CTNNA2: variants seen among roughly 807,000 people sequenced by gnomAD.
CTNNA2 encodes the protein catenin alpha 2.
CTNNA2 carries 42 observed loss-of-function variants against 101.0 expected under a neutral mutation model. That is an observed-to-expected ratio of 0.42 (90% CI 0.32 to 0.54). The LOEUF is 0.54. CTNNA2 is among the 20% of genes least tolerant of loss of function. The probability of loss-of-function intolerance (pLI) is 0.14; values close to 1 mark genes in which losing one functional copy is unlikely to be tolerated. For synonymous variants in CTNNA2, 450 were observed against 456.4 expected, an observed-to-expected ratio of 0.99 and a Z score of 0.18; for missense variants, 871 against 1,223.1, an observed-to-expected ratio of 0.71 and a Z score of 4.29.
In CTNNA2 at chr2:80,450,262, G is replaced by A. The variant is rs142768119; in HGVS notation, c.1290+30661G>A. On this transcript the variant is annotated intron_variant, in intron 9 of 18. Transcript: ENST00000402739. ...AAGCTTATGGGCATTGTAAATCCCTGTATGAGACAAAGTATGCAAATTTCC... is the reference window on the plus strand; with the variant it reads ...AAGCTTATGGGCATTGTAAATCCCTATATGAGACAAAGTATGCAAATTTCC... Among the ~76,000 whole-genome samples, 20 of 152,058 alleles carry A rather than the reference G, an allele frequency of 1.3e-4. No homozygotes were observed. In the East Asian group the frequency reaches 3.5e-3, roughly 26 times the overall value.
chr2:79,436,136 T>C (rs1391436232), intron 4 of CTNNA2, among the ~76,000 whole-genome samples: 1 of 152,150 alleles, frequency 6.6e-6, no homozygotes, highest in Non-Finnish European at 1.5e-5. Context: ...AATCTCAAGA[T>C]TGAGCAACAC....
chr2:79,857,609 T>C (rs576202170), intron 3 of CTNNA2, among the ~76,000 whole-genome samples: 2 of 152,358 alleles, frequency 1.3e-5, no homozygotes, highest in South Asian at 2.1e-4. Context: ...TTCAATTCCA[T>C]GTGGAACAAT....
intron 7 of CTNNA2, among the ~76,000 whole-genome samples, chr2:80,337,043 G>C (rs1043889583): frequency 2.0e-5 from 3 of 152,124 alleles, no homozygotes; most frequent in Admixed American, 6.5e-5. Context: ...TGTTCAACTG[G>C]GTGGGGTGTG....
chr2:79,825,453 G>A (rs2105398343), intron 3 of CTNNA2, among the ~76,000 whole-genome samples: 1 of 151,860 alleles, frequency 6.6e-6, no homozygotes, highest in African/African-American at 2.4e-5. Context: ...ATAAAATATG[G>A]AGGTTGCGAG....
chr2:79,990,436 G>A (rs1032946553), intron 7 of CTNNA2, among the ~76,000 whole-genome samples: 9 of 152,216 alleles, frequency 5.9e-5, no homozygotes, highest in East Asian at 1.9e-4. Context: ...GAAGGGAGTC[G>A]CACTGATACA....
At chr2:80,093,476 T>C (rs1322869578) in intron 7 of CTNNA2, among the ~76,000 whole-genome samples, 1 of 152,332 alleles carries the variant, frequency 6.6e-6, no homozygotes, top group Admixed American at 6.5e-5. Context: ...CGTGTGTATG[T>C]GTCTTTATAG....
At chr2:79,994,464 G>A (rs1437922268) in intron 7 of CTNNA2, among the ~76,000 whole-genome samples, 1 of 152,078 alleles carries the variant, frequency 6.6e-6, no homozygotes, top group Non-Finnish European at 1.5e-5. Flanking sequence ...CTTTTTGAAA[G>A]CGACCTTGTG....
intron 1 of CTNNA2, among the ~76,000 whole-genome samples, chr2:79,565,810 T>A (rs955291910): frequency 2.6e-5 from 4 of 151,944 alleles, no homozygotes; most frequent in African/African-American, 9.7e-5. Context: ...TTGTTGGAGA[T>A]AGGAATTTAG....
intron 4 of CTNNA2, among the ~76,000 whole-genome samples, chr2:79,434,461 G>A (rs1190920629): frequency 2.0e-5 from 3 of 152,142 alleles, no homozygotes; most frequent in Admixed American, 2.0e-4. Flanking sequence ...AATCTAGCTG[G>A]AGTTCAAAGG....
rs576233061 is a variant in CTNNA2 at position 79,841,597 on chromosome 2, G to A, written c.299-16416G>A. Among the ~76,000 whole-genome samples the A allele has an allele frequency of 1.1e-4, 16 of 152,268 alleles. No individual in the cohort carries two copies. In the East Asian group the frequency reaches 1.3e-3, roughly 13 times the overall value. The stretch of plus-strand genomic sequence containing the variant: ...GTGGGCACACGTGCAAAATAGGTGC[G>A]AAGCAGACTAATCTTTATAGATGAT... On this transcript the variant is annotated intron_variant, in intron 3 of 18. Transcript: ENST00000402739.
chr2:79,725,349 A>T (rs990937196), intron 2 of CTNNA2, among the ~76,000 whole-genome samples: 10 of 152,198 alleles, frequency 6.6e-5, no homozygotes, highest in Admixed American at 2.6e-4. Context: ...ATTGAATGTT[A>T]CTTCCCCTCT....
At chr2:80,504,752 C>A (rs891330863) in intron 9 of CTNNA2, among the ~76,000 whole-genome samples, 1 of 152,160 alleles carries the variant, frequency 6.6e-6, no homozygotes, top group African/African-American at 2.4e-5. Flanking sequence ...GAGGTATACA[C>A]AAAAGTTCTT....
At chr2:80,328,822 T>G (rs1447267931) in intron 7 of CTNNA2, among the ~76,000 whole-genome samples, 1 of 152,228 alleles carries the variant, frequency 6.6e-6, no homozygotes, top group East Asian at 1.9e-4. Flanking sequence ...TATTTTTTTA[T>G]TTATATACAT....
chr2:80,472,114 C>T (rs11682445), intron 9 of CTNNA2, among the ~76,000 whole-genome samples: 43,553 of 141,530 alleles, frequency 0.31, 7,285 homozygotes, highest in East Asian at 0.67. Flanking sequence ...AGCGAGACTC[C>T]ATCTCAAAAA....
At position 80,589,444 on chromosome 2, in the gene CTNNA2, G is replaced by C. The variant is rs1212859822; in HGVS notation, c.2148G>C (p.Lys716Asn). The stretch of plus-strand genomic sequence containing the variant: ...GCAATGATATCATTGTACTGGCCAA[G>C]CAGATGTGTATGATCATGATGGAAA... ...DSGNDIIVLA[K>N]QMCMIMMEMT... Residue 716 changes from lysine to asparagine, a missense_variant, in exon 15 of 19, where the codon AAG becomes AAC. Lys to Asn is a moderately conservative substitution (Grantham distance 94). Coordinates refer to ENST00000402739, the MANE Select transcript of CTNNA2 (RefSeq NM_001282597.3). 1 of 1,613,986 alleles carries C rather than the reference G, an allele frequency of 6.2e-7. No homozygotes were observed. Among genetic ancestry groups the C allele is most frequent in the Non-Finnish European group, 8.5e-7 (1 of 1,179,978 alleles).
intron 7 of CTNNA2, among the ~76,000 whole-genome samples, chr2:80,212,471 A>T (rs937289803): frequency 2.0e-5 from 3 of 152,136 alleles, no homozygotes; most frequent in Non-Finnish European, 4.4e-5. Context: ...ATCTATTGAG[A>T]TAATCATGTG....
chr2:80,055,295 C>T (rs1335282780), intron 7 of CTNNA2, among the ~76,000 whole-genome samples: 3 of 152,136 alleles, frequency 2.0e-5, no homozygotes, highest in African/African-American at 7.2e-5. Flanking sequence ...TCCCTAAGTA[C>T]TGGGATTACA....
At chr2:80,630,566 G>A (rs979374826) in intron 18 of CTNNA2, among the ~76,000 whole-genome samples, 8 of 152,262 alleles carry the variant, frequency 5.3e-5, no homozygotes, top group African/African-American at 1.9e-4. Context: ...GAACCCAAGA[G>A]GTGGAGGTTG....
chr2:79,397,203 A>T (rs1253130584), intron 4 of CTNNA2, among the ~76,000 whole-genome samples: 1 of 152,178 alleles, frequency 6.6e-6, no homozygotes, highest in Non-Finnish European at 1.5e-5. Flanking sequence ...TCAAACATTT[A>T]TCTTTTCTTT....
Sources: gnomAD v4.1 joint callset for allele counts (sites outside exome capture counted in the v4.1 genomes callset) on GRCh38, gnomAD v4.1.1 for gene constraint, MANE v1.5 for transcripts, NCBI Gene and HGNC (gene_info 2026-07-23, HGNC 2026-07-21) for gene names.